KCNQ1: variants seen among roughly 807,000 people sequenced by gnomAD.
KCNQ1 encodes potassium voltage-gated channel subfamily Q member 1.
In KCNQ1, 49 loss-of-function variants were observed where a neutral mutation model predicts 72.4. The observed-to-expected ratio is 0.68, with a 90% confidence interval of 0.54 to 0.86. KCNQ1 has a LOEUF of 0.86. Among genes scored for constraint, KCNQ1 ranks in the 40% least tolerant of loss-of-function variants. The pLI, the probability that KCNQ1 is intolerant of heterozygous loss-of-function variation, is 0.00. For missense variants in KCNQ1, 790 were observed against 945.1 expected, an observed-to-expected ratio of 0.84 and a Z score of 2.15; for synonymous variants, 450 against 412.6, an observed-to-expected ratio of 1.09 and a Z score of -1.10.
At chr11:2,726,601 G>T (rs1055885142) in intron 11 of KCNQ1, among the ~76,000 whole-genome samples, 3 of 152,152 alleles carry the variant, frequency 2.0e-5, no homozygotes, top group Admixed American at 1.3e-4. Flanking sequence ...CCCCGGTGAA[G>T]ATCTGGTGGA....
rs559421290 is a variant in KCNQ1 at position 2,467,957 on chromosome 11, G to A, written c.386+22473G>A. 6.2e-4 allele frequency among the ~76,000 whole-genome samples: 95 copies of A among 152,324 alleles called. 1 individual carries two copies. Among genetic ancestry groups the A allele is most frequent in the Non-Finnish European group, 9.6e-4 (65 of 68,012 alleles). On this transcript the variant is annotated intron_variant, in intron 1 of 15. Transcript: ENST00000155840. ...AGGGAGGCTGATGGGCTGGCCCAGC[G>A]TGGGGACCTGCCCAGTGGCCCTGTG...
In KCNQ1 at chr11:2,734,416, G is replaced by A. The variant is rs776811379; in HGVS notation, c.1515-34428G>A. Among the ~76,000 whole-genome samples, 24 of 152,222 alleles carry A rather than the reference G, an allele frequency of 1.6e-4. No individual in the cohort carries two copies. Among genetic ancestry groups the A allele is most frequent in the Admixed American group, 5.9e-4 (9 of 15,288 alleles). ...CACAGCCCCCCGGCCACCGCAGGTC[G>A]GGGGAGCACTGTCCCCGGGGCCCCG... On this transcript the variant is annotated intron_variant, in intron 11 of 15. Transcript: ENST00000155840. This position sits in a 1 kb window ranked among gnomAD's most constrained non-coding sequence, Gnocchi z 7.0.
intron 10 of KCNQ1, chr11:2,616,931 G>T (rs1849074880): frequency 2.5e-6 from 1 of 396,358 alleles, no homozygotes; most frequent in South Asian, 1.3e-4. Context: ...TTTCTTATTG[G>T]GCTTCTGTCT....
Position 2,676,241 on chromosome 11 carries a change from G to A in KCNQ1, c.1514+14160G>A, listed in dbSNP as rs1054688596. ...TACAATGCTGATTTATTATGGTGCAGTACATCTGAGAAGCATTTTTATTGC... is the reference window on the plus strand; with the variant it reads ...TACAATGCTGATTTATTATGGTGCAATACATCTGAGAAGCATTTTTATTGC... On this transcript the variant is annotated intron_variant, in intron 11 of 15. Coordinates refer to ENST00000155840, the MANE Select transcript of KCNQ1 (RefSeq NM_000218.3). The surrounding 1 kb of genome is among the most constrained non-coding windows in gnomAD (Gnocchi z 4.2). 2.3e-5 allele frequency: 9 copies of A among 398,502 alleles called. No individual in the cohort carries two copies. Among genetic ancestry groups the A allele is most frequent in the African/African-American group, 1.9e-4 (9 of 48,628 alleles). 24.7% of individuals were successfully genotyped at this position (398,502 alleles called of 1,614,324 possible).
Position 2,677,722 on chromosome 11 carries a change from A to G in KCNQ1, c.1514+15641A>G, listed in dbSNP as rs1259700462. 1.5e-5 allele frequency: 6 copies of G among 398,454 alleles called. No homozygotes were observed. Among genetic ancestry groups the G allele is most frequent in the Non-Finnish European group, 2.2e-5 (5 of 226,054 alleles). 24.7% of individuals were successfully genotyped at this position (398,454 alleles called of 1,614,324 possible). A position where few individuals can be genotyped will look rare whatever the true frequency, so the allele number is the denominator to read the frequency against. On this transcript the variant is annotated intron_variant, in intron 11 of 15. Transcript: ENST00000155840. The surrounding 1 kb of genome is among the most constrained non-coding windows in gnomAD (Gnocchi z 4.5). ...ATTAACTTCCCAATCAAATATCTCT[A>G]TTGTAAAATTTTGGTCTCCGTTTTC...
Position 2,515,378 on chromosome 11 carries a change from A to T in KCNQ1, c.387-12550A>T, listed in dbSNP as rs1355111092. Among the ~76,000 whole-genome samples, 1 of 152,112 alleles carries T rather than the reference A, an allele frequency of 6.6e-6. No individual in the cohort carries two copies. The highest frequency in any genetic ancestry group is 1.5e-5 in the Non-Finnish European group (1 of 68,018). ...TTTCATTCACTTCTTGGAGGCTTTA[A>T]CGCCTGCCCTGTGTGAGGGAGGGCG... On this transcript the variant is annotated intron_variant, in intron 1 of 15. Transcript: ENST00000155840. This position sits in a 1 kb window ranked among gnomAD's most constrained non-coding sequence, Gnocchi z 4.7.
At position 2,715,909 on chromosome 11, in the gene KCNQ1, G is replaced by T. The variant is rs557805737; in HGVS notation, c.1515-52935G>T. 5.9e-5 allele frequency among the ~76,000 whole-genome samples: 9 copies of T among 152,206 alleles called. No individual in the cohort carries two copies. Among genetic ancestry groups the T allele is most frequent in the Non-Finnish European group, 1.3e-4 (9 of 68,034 alleles). On this transcript the variant is annotated intron_variant, in intron 11 of 15. Transcript: ENST00000155840. The surrounding 1 kb of genome is among the most constrained non-coding windows in gnomAD (Gnocchi z 4.9). ...GGTGATTGAGTGGGTAGAGGGGGTGGCCAGAGTGGGAACCATGGTGATGCA... is the reference window on the plus strand; with the variant it reads ...GGTGATTGAGTGGGTAGAGGGGGTGTCCAGAGTGGGAACCATGGTGATGCA...
At chr11:2,448,317 G>T (rs75878426) in intron 1 of KCNQ1, among the ~76,000 whole-genome samples, 1 of 152,194 alleles carries the variant, frequency 6.6e-6, no homozygotes, top group Non-Finnish European at 1.5e-5. Flanking sequence ...CCTGTTCCCC[G>T]CTCCTACAGC....
At chr11:2,560,089 G>T (rs1209744197) in intron 2 of KCNQ1, among the ~76,000 whole-genome samples, 3 of 139,214 alleles carry the variant, frequency 2.2e-5, no homozygotes, top group African/African-American at 5.4e-5. Flanking sequence ...CAGCCATGGG[G>T]GGCCGTGACA....
At chr11:2,680,215 A>C (rs1411952661) in intron 11 of KCNQ1, 1 of 398,158 alleles carries the variant, frequency 2.5e-6, no homozygotes, top group African/African-American at 2.1e-5. Flanking sequence ...TTAAAAAAAA[A>C]AAAAAAAAAA....
chr11:2,705,677 T>C (rs1850897716), intron 11 of KCNQ1, among the ~76,000 whole-genome samples: 1 of 152,280 alleles, frequency 6.6e-6, no homozygotes, highest in Admixed American at 6.5e-5. Context: ...CAGGGAAAAG[T>C]GGGCCCAGGC....
chr11:2,624,408 CT>C lies in KCNQ1; in HGVS notation c.1393+35558del. 1 of 398,416 alleles carries C rather than the reference CT, an allele frequency of 2.5e-6. No individual in the cohort carries two copies. Among genetic ancestry groups the C allele is most frequent in the Non-Finnish European group, 4.4e-6 (1 of 226,002 alleles). 24.7% of individuals were successfully genotyped at this position (398,416 alleles called of 1,614,324 possible). On this transcript the variant is annotated intron_variant, in intron 10 of 15. Coordinates refer to ENST00000155840, the MANE Select transcript of KCNQ1 (RefSeq NM_000218.3). The surrounding 1 kb of genome is among the most constrained non-coding windows in gnomAD (Gnocchi z 4.9). Reference sequence around the variant, plus strand: ...GACAGTATGTTTTACAGAGCAGAAACTTTTATTTTTAACAAAGTCTAGCTTA... The same window carrying C: ...GACAGTATGTTTTACAGAGCAGAAACTTTATTTTTAACAAAGTCTAGCTTA...
chr11:2,520,011 G>A (rs546212038), intron 1 of KCNQ1, among the ~76,000 whole-genome samples: 8 of 152,370 alleles, frequency 5.3e-5, no homozygotes, highest in South Asian at 2.1e-4. Context: ...GCGGGAGCCC[G>A]CAGAGGCTGG....
chr11:2,542,637 G>C (rs1158306446), intron 2 of KCNQ1, among the ~76,000 whole-genome samples: 2 of 152,178 alleles, frequency 1.3e-5, no homozygotes, highest in Non-Finnish European at 2.9e-5. Flanking sequence ...GGCTCCGGAG[G>C]GGACCCCTGG....
chr11:2,445,142 G>T lies in KCNQ1; in HGVS notation c.44G>T (p.Trp15Leu). ...CCGCCCAGGGCCGAGAGGAAGCGCTGGGGTTGGGGCCGCCTGCCAGGCGCC... is the reference window on the plus strand; with the variant it reads ...CCGCCCAGGGCCGAGAGGAAGCGCTTGGGTTGGGGCCGCCTGCCAGGCGCC... ...SSPPRAERKR[W>L]GWGRLPGARR... is the part of the protein sequence containing the mutation. The change falls in exon 1 of 16, where the codon TGG (tryptophan) becomes TTG (leucine). Residue 15 changes from tryptophan (W) to leucine (L), a missense_variant. Trp to Leu is a moderately conservative substitution (Grantham distance 61). Coordinates refer to ENST00000155840, the MANE Select transcript of KCNQ1 (RefSeq NM_000218.3). 8.9e-7 allele frequency: 1 copy of T among 1,126,430 alleles called. No individual in the cohort carries two copies. The highest frequency in any genetic ancestry group is 3.8e-4 in the Middle Eastern group (1 of 2,598). The allele number at this position is 1,126,430 out of a possible 1,614,324, so 69.8% of individuals were successfully genotyped here. A position where few individuals can be genotyped will look rare whatever the true frequency, so the allele number is the denominator to read the frequency against.
chr11:2,490,323 C>G (rs1409268714), intron 1 of KCNQ1, among the ~76,000 whole-genome samples: 2 of 152,270 alleles, frequency 1.3e-5, no homozygotes, highest in Non-Finnish European at 2.9e-5. Flanking sequence ...GATGGCATCT[C>G]TGGACCCACC....
rs2237870 is a variant in KCNQ1 at position 2,516,737 on chromosome 11, G to C, written c.387-11191G>C. Among the ~76,000 whole-genome samples, 1 of 152,004 alleles carries C rather than the reference G, an allele frequency of 6.6e-6. No individual in the cohort carries two copies. The highest frequency in any genetic ancestry group is 1.5e-5 in the Non-Finnish European group (1 of 68,012). ...GTTTTATTAGGACACAGCCATGCCC[G>C]GCCGAATATTGCCACAGAGGCCACC... On this transcript the variant is annotated intron_variant, in intron 1 of 15. Transcript: ENST00000155840. This position sits in a 1 kb window ranked among gnomAD's most constrained non-coding sequence, Gnocchi z 7.0.
intron 15 of KCNQ1, among the ~76,000 whole-genome samples, chr11:2,846,847 C>T (rs988588717): frequency 1.3e-5 from 2 of 152,264 alleles, no homozygotes; most frequent in Non-Finnish European, 2.9e-5. Context: ...ATCACCTACT[C>T]TCTGTGCTGG....
chr11:2,688,308 C>T (rs1361702180), intron 11 of KCNQ1: 1 of 398,656 alleles, frequency 2.5e-6, no homozygotes, highest in Non-Finnish European at 4.4e-6. Flanking sequence ...TCTGGAAAAT[C>T]TAAGCACGTC....
Sources: allele counts gnomAD v4.1 joint callset (sites outside exome capture counted in the v4.1 genomes callset), GRCh38; gene constraint gnomAD v4.1.1; non-coding constraint Gnocchi (gnomAD v3.1); transcripts MANE v1.5; gene names NCBI Gene and HGNC (gene_info 2026-07-23, HGNC 2026-07-21).